Variants in FSTL4 observed in about 807,000 individuals in gnomAD.
The protein encoded by FSTL4 is follistatin-related protein 4.
In FSTL4, 28 loss-of-function variants were observed where a neutral mutation model predicts 78.2. The observed-to-expected ratio is 0.36, with a 90% CI of 0.27 to 0.49. The LOEUF (loss-of-function observed/expected upper bound fraction) is 0.49, where lower values mean the gene tolerates loss of function less well. Among genes scored for constraint, FSTL4 ranks in the 20% least tolerant of loss-of-function variants. FSTL4 has a pLI of 0.98. For missense variants in FSTL4, 922 were observed against 1,084.9 expected (o/e 0.85, Z 2.11); for synonymous variants, 422 against 440.5 (o/e 0.96, Z 0.53).
the FSTL4 span, among the ~76,000 whole-genome samples, chr5:133,680,339 T>C: frequency 1.8e-4 from 27 of 152,326 alleles, no homozygotes; most frequent in Non-Finnish European, 3.1e-4. Context: ...GGGGCACACC[T>C]ATGATCCAAG....
At chr5:133,504,707 C>T (rs1257778525) in intron 3 of FSTL4, among the ~76,000 whole-genome samples, 1 of 152,204 alleles carries the variant, frequency 6.6e-6, no homozygotes, top group Non-Finnish European at 1.5e-5. Flanking sequence ...CCTCCCACTC[C>T]TATCCTGGGC....
chr5:133,709,032 C>T, the FSTL4 span, among the ~76,000 whole-genome samples: 100 of 152,264 alleles, frequency 6.6e-4, no homozygotes, highest in African/African-American at 2.3e-3. Context: ...CAATCCATAA[C>T]AAACTTCCCC....
chr5:133,284,842 C>T (rs544724683), intron 6 of FSTL4, among the ~76,000 whole-genome samples: 3 of 152,232 alleles, frequency 2.0e-5, no homozygotes, highest in Admixed American at 6.5e-5. Flanking sequence ...TAGCTTTTTG[C>T]TTGGAGGAAG....
At chr5:133,293,462 G>A (rs1753316183) in intron 6 of FSTL4, among the ~76,000 whole-genome samples, 1 of 152,220 alleles carries the variant, frequency 6.6e-6, no homozygotes, top group Admixed American at 6.5e-5. Flanking sequence ...GTCTTTGGCA[G>A]AGAATGCTCT....
the FSTL4 span, among the ~76,000 whole-genome samples, chr5:133,682,695 C>T: frequency 6.6e-6 from 1 of 152,350 alleles, no homozygotes; most frequent in South Asian, 2.1e-4. Context: ...AATGCTCACA[C>T]ATTCCACCCA....
At chr5:133,383,620 G>A (rs567216690) in intron 4 of FSTL4, among the ~76,000 whole-genome samples, 8 of 152,250 alleles carry the variant, frequency 5.3e-5, no homozygotes, top group South Asian at 4.2e-4. Flanking sequence ...ATCACTCGGC[G>A]GGGACACCTC....
At chr5:133,267,918 C>T (rs888270415) in intron 6 of FSTL4, among the ~76,000 whole-genome samples, 1 of 152,178 alleles carries the variant, frequency 6.6e-6, no homozygotes, top group African/African-American at 2.4e-5. Context: ...CACATTCAGG[C>T]TCAGCAGAAA....
chr5:133,351,242 T>C (rs910286631), intron 4 of FSTL4, among the ~76,000 whole-genome samples: 5 of 152,204 alleles, frequency 3.3e-5, no homozygotes, highest in African/African-American at 1.2e-4. Flanking sequence ...GTAATGTCTT[T>C]TATCTCTGGT....
chr5:133,387,124 C>T (rs947604242), intron 4 of FSTL4, among the ~76,000 whole-genome samples: 1 of 152,160 alleles, frequency 6.6e-6, no homozygotes, highest in African/African-American at 2.4e-5. Flanking sequence ...TCTGCTGCTG[C>T]CCCTGCCCTG....
At chr5:133,540,612 A>C (rs1388119302) in intron 3 of FSTL4, among the ~76,000 whole-genome samples, 1 of 151,026 alleles carries the variant, frequency 6.6e-6, no homozygotes, top group Non-Finnish European at 1.5e-5. Context: ...CACCTTTGAG[A>C]GGCTGGAAAT....
intron 4 of FSTL4, among the ~76,000 whole-genome samples, chr5:133,327,313 G>A (rs1754237125): frequency 1.3e-5 from 2 of 152,232 alleles, no homozygotes; most frequent in Admixed American, 1.3e-4. Context: ...TAGAAGGGTA[G>A]CAAGTATGGG....
intron 3 of FSTL4, among the ~76,000 whole-genome samples, chr5:133,461,060 T>G (rs1317756329): frequency 6.6e-6 from 1 of 152,216 alleles, no homozygotes; most frequent in Non-Finnish European, 1.5e-5. Context: ...AGGAGAATAC[T>G]CCTGTGGAAA....
At chr5:133,314,519 T>C (rs1417810526) in intron 5 of FSTL4, among the ~76,000 whole-genome samples, 2 of 151,694 alleles carry the variant, frequency 1.3e-5, no homozygotes, top group African/African-American at 4.8e-5. Context: ...GGCTACTCCT[T>C]ACTAGGGTTC....
intron 3 of FSTL4, among the ~76,000 whole-genome samples, chr5:133,414,558 T>A (rs528752834): frequency 6.6e-6 from 1 of 152,362 alleles, no homozygotes; most frequent in South Asian, 2.1e-4. Flanking sequence ...CTTACCTCTC[T>A]GGATTCCTGA....
chr5:133,703,830 G>A, the FSTL4 span, among the ~76,000 whole-genome samples: 1 of 152,354 alleles, frequency 6.6e-6, no homozygotes, highest in South Asian at 2.1e-4. Context: ...GCCTCAGAGA[G>A]AGGAGGGGAC....
intron 2 of FSTL4, among the ~76,000 whole-genome samples, chr5:133,570,740 A>G (rs547661849): frequency 6.6e-6 from 1 of 152,336 alleles, no homozygotes; most frequent in South Asian, 2.1e-4. Context: ...AAAGTTTTTG[A>G]AGGCATCCAA....
chr5:133,582,223 G>A (rs904521189), intron 2 of FSTL4, among the ~76,000 whole-genome samples: 26 of 152,300 alleles, frequency 1.7e-4, no homozygotes, highest in Non-Finnish European at 1.8e-4. Context: ...GCCTCCTGGT[G>A]ACATGGAGAA....
the FSTL4 span, among the ~76,000 whole-genome samples, chr5:133,797,658 T>A: frequency 6.6e-6 from 1 of 152,110 alleles, no homozygotes; most frequent in Non-Finnish European, 1.5e-5. Flanking sequence ...GTTTAGTCCT[T>A]TGGGGGTGCT....
the FSTL4 span, among the ~76,000 whole-genome samples, chr5:133,652,654 T>C: frequency 6.6e-6 from 1 of 152,190 alleles, no homozygotes; most frequent in Non-Finnish European, 1.5e-5. Context: ...CGTAAGCATG[T>C]TAAGGTGTGT....
Sources: allele counts gnomAD v4.1 joint callset (sites outside exome capture counted in the v4.1 genomes callset), GRCh38; gene constraint gnomAD v4.1.1; transcripts MANE v1.5; gene names NCBI Gene and HGNC (gene_info 2026-07-23, HGNC 2026-07-21).